The following XRCC5 variants were observed in gnomAD, a reference collection of about 807,000 sequenced individuals.
XRCC5 encodes the protein DNA repair protein Ku80.
A neutral mutation model predicts 95.7 loss-of-function variants in XRCC5; 12 were observed. That is an observed-to-expected ratio of 0.13 (90% CI 0.08 to 0.20). XRCC5 has a LOEUF of 0.20. Ranked by LOEUF, XRCC5 falls within the 10% of genes least tolerant of loss-of-function variation. The pLI, the probability that XRCC5 is intolerant of heterozygous loss-of-function variation, is 1.00. For synonymous variants in XRCC5, 281 were observed against 290.3 expected (o/e 0.97, Z 0.33); for missense variants, 595 against 873.9 (o/e 0.68, Z 4.02).
intron 19 of XRCC5, among the ~76,000 whole-genome samples, chr2:216,200,994 G>T (rs936746305): frequency 6.6e-6 from 1 of 152,150 alleles, no homozygotes; most frequent in Non-Finnish European, 1.5e-5. Flanking sequence ...ATACCATAAT[G>T]AATTTTTTCA....
At chr2:216,117,464 C>T (rs60375255) in intron 3 of XRCC5, 1 of 427,138 alleles carries the variant, frequency 2.3e-6, no homozygotes, top group Non-Finnish European at 4.3e-6. Context: ...AGAATGGGTT[C>T]TAGATACTAT....
chr2:216,116,587 C>T (rs1696702033), intron 2 of XRCC5, 72 bp from the exon 3 acceptor site: 4 of 1,580,964 alleles, frequency 2.5e-6, no homozygotes, highest in Non-Finnish European at 3.5e-6. Flanking sequence ...GTCCTGCTCC[C>T]TGAAGGTTAG....
intron 19 of XRCC5, among the ~76,000 whole-genome samples, chr2:216,202,107 A>G (rs947667790): frequency 6.6e-5 from 10 of 152,216 alleles, no homozygotes; most frequent in Non-Finnish European, 1.0e-4. Flanking sequence ...TGTGCCAACA[A>G]TAAGTCCTTA....
chr2:216,176,289 T>C (rs1343396385), intron 16 of XRCC5, among the ~76,000 whole-genome samples: 1 of 152,032 alleles, frequency 6.6e-6, no homozygotes, highest in Admixed American at 6.6e-5. Context: ...CGGCAAACTT[T>C]TGTATTTTTA....
At chr2:216,109,894 T>C (rs564514322) in intron 1 of XRCC5, among the ~76,000 whole-genome samples, 5 of 152,296 alleles carry the variant, frequency 3.3e-5, no homozygotes, top group African/African-American at 1.2e-4. Context: ...TTGTAAAACT[T>C]AAGAGAGGGA....
chr2:216,172,551 C>A (rs1265189016), intron 16 of XRCC5, among the ~76,000 whole-genome samples: 2 of 147,720 alleles, frequency 1.4e-5, no homozygotes, highest in African/African-American at 5.1e-5. Context: ...TCACTGTAGC[C>A]TCCACCTCCC....
chr2:216,204,145 C>G (rs1251606091), intron 19 of XRCC5, 177 bp from the exon 20 acceptor site: 1 of 669,372 alleles, frequency 1.5e-6, no homozygotes, highest in Non-Finnish European at 2.6e-6. Flanking sequence ...AACTGGGCCT[C>G]TCACCCAAAG....
intron 14 of XRCC5, among the ~76,000 whole-genome samples, chr2:216,159,747 A>G (rs1439788401): frequency 1.3e-5 from 2 of 152,196 alleles, no homozygotes; most frequent in African/African-American, 4.8e-5. Context: ...TTAAATTTCC[A>G]TTATCTGTGC....
intron 6 of XRCC5, 67 bp from the exon 7 acceptor site, chr2:216,125,850 A>ATG (rs1173344127): frequency 2.4e-6 from 3 of 1,265,224 alleles, no homozygotes; most frequent in Non-Finnish European, 3.4e-6. Context: ...AGAAAATCAA[A>ATG]TGCATCATCC....
chr2:216,154,406 T>A (rs1468870542), intron 14 of XRCC5, among the ~76,000 whole-genome samples: 1 of 152,254 alleles, frequency 6.6e-6, no homozygotes, highest in African/African-American at 2.4e-5. Context: ...TGTAACATAG[T>A]GACTAGCACA....
At chr2:216,154,964 TA>T (rs964591009) in intron 14 of XRCC5, among the ~76,000 whole-genome samples, 12 of 151,446 alleles carry the variant, frequency 7.9e-5, no homozygotes, top group Admixed American at 2.6e-4. Context: ...ATGAACTTAT[TA>T]AAAAAAACCA....
At chr2:216,135,323 G>A (rs1293125631) in intron 10 of XRCC5, among the ~76,000 whole-genome samples, 1 of 152,072 alleles carries the variant, frequency 6.6e-6, no homozygotes, top group Non-Finnish European at 1.5e-5. Context: ...ATTAGTAAAG[G>A]GGCATTCTAG....
At chr2:216,143,838 C>T (rs1278700645) in intron 13 of XRCC5, among the ~76,000 whole-genome samples, 2 of 151,644 alleles carry the variant, frequency 1.3e-5, no homozygotes, top group Admixed American at 1.3e-4. Context: ...TCCCGAGTAG[C>T]TGGGACTACA....
At chr2:216,175,401 C>T (rs1689254084) in intron 16 of XRCC5, 1 of 515,518 alleles carries the variant, frequency 1.9e-6, no homozygotes, top group Non-Finnish European at 3.9e-6. Flanking sequence ...CCTCCATCAC[C>T]TCTGTGATCC....
chr2:216,204,287 T>C (rs764138894), intron 19 of XRCC5, 35 bp from the exon 20 acceptor site: 25 of 1,612,952 alleles, frequency 1.5e-5, no homozygotes, highest in Admixed American at 6.7e-5. Context: ...GGCAAAAATA[T>C]CATTTTGGTA....
intron 14 of XRCC5, among the ~76,000 whole-genome samples, chr2:216,150,467 C>A (rs1005285492): frequency 6.6e-6 from 1 of 152,178 alleles, no homozygotes; most frequent in Non-Finnish European, 1.5e-5. Flanking sequence ...GCGAATGTCA[C>A]AGAGTGTACT....
Position 216,141,229 on chromosome 2 carries a change from C to T in XRCC5, c.1386C>T (p.Ser462=), listed in dbSNP as rs1408530480. ...NAVDALIDSM[S]LAKKDEKTDT... The stretch of plus-strand genomic sequence containing the variant: ...TTGATGCTTTGATTGACTCCATGAG[C>T]TTGGCAAAGAAAGATGAGAAGACAG... The change falls in exon 13 of 21, where the codon AGC becomes AGT. Residue 462 remains serine, a synonymous_variant. Transcript: ENST00000392132. The T allele has an allele frequency of 6.2e-7, 1 of 1,613,972 alleles. No individual in the cohort carries two copies. The highest frequency in any genetic ancestry group is 1.3e-5 in the African/African-American group (1 of 74,928).
At chr2:216,201,404 G>C (rs1689831416) in intron 19 of XRCC5, among the ~76,000 whole-genome samples, 1 of 152,216 alleles carries the variant, frequency 6.6e-6, no homozygotes, top group Admixed American at 6.5e-5. Flanking sequence ...AAGGGTCTGA[G>C]CACAAGATGA....
intron 14 of XRCC5, among the ~76,000 whole-genome samples, chr2:216,153,344 G>T (rs553705766): frequency 3.9e-5 from 6 of 152,218 alleles, no homozygotes; most frequent in African/African-American, 1.4e-4. Context: ...TCAGATTCCT[G>T]TGGGGGCTGC....
Sources: gnomAD v4.1 joint callset for allele counts (sites outside exome capture counted in the v4.1 genomes callset) on GRCh38, gnomAD v4.1.1 for gene constraint, MANE v1.5 for transcripts, NCBI Gene and HGNC (gene_info 2026-07-23, HGNC 2026-07-21) for gene names.